HYCC2: variants seen among roughly 807,000 people sequenced by gnomAD.
HYCC2 encodes hyccin PI4KA lipid kinase complex subunit 2.
At chr2:201,048,644 A>G in the HYCC2 span, among the ~76,000 whole-genome samples, 2 of 152,142 alleles carry the variant, frequency 1.3e-5, no homozygotes, top group Admixed American at 6.6e-5. Flanking sequence ...AAATTCTTCT[A>G]GTAAAAGACG....
At chr2:201,026,893 C>G in the HYCC2 span, among the ~76,000 whole-genome samples, 2 of 152,088 alleles carry the variant, frequency 1.3e-5, no homozygotes. Flanking sequence ...CCTAACATCA[C>G]AATTAAAAGA....
At chr2:200,981,524 G>A in the HYCC2 span, 19 of 1,614,080 alleles carry the variant, frequency 1.2e-5, no homozygotes, top group African/African-American at 4.0e-5. The surrounding 1 kb of genome is among the most constrained non-coding windows in gnomAD (Gnocchi z 4.5). Context: ...CTGGCTGTCC[G>A]GATTAGACTT....
chr2:201,070,647 C>T, the HYCC2 span, among the ~76,000 whole-genome samples: 1 of 150,952 alleles, frequency 6.6e-6, no homozygotes, highest in African/African-American at 2.4e-5. Context: ...AGCGAAACTC[C>T]GTCTCAAAAA....
chr2:201,033,668 T>C, the HYCC2 span, among the ~76,000 whole-genome samples: 3 of 152,018 alleles, frequency 2.0e-5, no homozygotes, highest in African/African-American at 7.2e-5. Context: ...CCTCCCAAAG[T>C]GCTGGGATTA....
the HYCC2 span, chr2:201,009,202 C>T: frequency 1.8e-6 from 1 of 548,922 alleles, no homozygotes; most frequent in Non-Finnish European, 3.3e-6. Flanking sequence ...ATCATTTATT[C>T]TTCTCATTCT....
At chr2:201,066,309 A>G in the HYCC2 span, among the ~76,000 whole-genome samples, 6 of 152,168 alleles carry the variant, frequency 3.9e-5, no homozygotes, top group Non-Finnish European at 5.9e-5. Flanking sequence ...CCTGACCTCA[A>G]GTGATCTGCT....
the HYCC2 span, among the ~76,000 whole-genome samples, chr2:200,993,662 T>C: frequency 6.6e-6 from 1 of 152,064 alleles, no homozygotes; most frequent in Admixed American, 6.6e-5. Context: ...AGCAGAGACA[T>C]ACAATAAAAG....
At chr2:201,059,995 G>A in the HYCC2 span, among the ~76,000 whole-genome samples, 1 of 137,606 alleles carries the variant, frequency 7.3e-6, no homozygotes, top group Admixed American at 8.0e-5. Context: ...AGTGAGCCGA[G>A]ATTGCGCCAC....
chr2:201,053,350 T>C, the HYCC2 span, among the ~76,000 whole-genome samples: 1 of 152,212 alleles, frequency 6.6e-6, no homozygotes, highest in Non-Finnish European at 1.5e-5. Flanking sequence ...CTCGAACTCC[T>C]GAACTCAGGT....
the HYCC2 span, among the ~76,000 whole-genome samples, chr2:200,995,005 CAA>C: frequency 1.8e-4 from 17 of 92,322 alleles, no homozygotes; most frequent in Admixed American, 5.8e-4. Flanking sequence ...AAGACTCTCT[CAA>C]AAAAAAAAAA....
chr2:200,985,384 G>A, the HYCC2 span, among the ~76,000 whole-genome samples: 1,722 of 152,212 alleles, frequency 0.011, 17 homozygotes, highest in Non-Finnish European at 0.017. Context: ...AAATAGGCCA[G>A]GGGCGGTGGC....
At chr2:201,021,847 C>T in the HYCC2 span, 1 of 358,140 alleles carries the variant, frequency 2.8e-6, no homozygotes, top group Non-Finnish European at 5.5e-6. Flanking sequence ...ATTATGCATA[C>T]CCAGAGTTAT....
At chr2:201,028,660 C>T in the HYCC2 span, among the ~76,000 whole-genome samples, 1 of 152,282 alleles carries the variant, frequency 6.6e-6, no homozygotes, top group Non-Finnish European at 1.5e-5. Context: ...AATAACACCA[C>T]ACATCTACAA....
At chr2:201,061,038 T>A in the HYCC2 span, among the ~76,000 whole-genome samples, 1 of 149,332 alleles carries the variant, frequency 6.7e-6, no homozygotes, top group Non-Finnish European at 1.5e-5. Context: ...CCAAATTACA[T>A]GAAAATAATG....
chr2:201,033,178 T>C, the HYCC2 span, among the ~76,000 whole-genome samples: 2 of 145,762 alleles, frequency 1.4e-5, no homozygotes, highest in African/African-American at 2.6e-5. Flanking sequence ...TGTGTGTGTG[T>C]GTGTGTGTGT....
the HYCC2 span, among the ~76,000 whole-genome samples, chr2:201,055,931 G>A: frequency 1.3e-5 from 2 of 152,134 alleles, no homozygotes; most frequent in Non-Finnish European, 1.5e-5. Context: ...GCTCACACCT[G>A]TAATCCCAGC....
chr2:201,022,774 T>G, the HYCC2 span: 1 of 1,049,602 alleles, frequency 9.5e-7, no homozygotes, highest in Non-Finnish European at 1.4e-6. Flanking sequence ...ATTTATGTGT[T>G]TTGGTATACA....
the HYCC2 span, among the ~76,000 whole-genome samples, chr2:201,046,357 G>T: frequency 1.3e-5 from 2 of 152,148 alleles, no homozygotes; most frequent in Admixed American, 1.3e-4. Context: ...CACCACAGCA[G>T]CTGACACTTT....
chr2:201,037,340 C>T, the HYCC2 span, among the ~76,000 whole-genome samples: 1 of 152,166 alleles, frequency 6.6e-6, no homozygotes, highest in Non-Finnish European at 1.5e-5. Context: ...ACATTCATTG[C>T]CATCCCCATC....
Sources: allele counts gnomAD v4.1 joint callset (sites outside exome capture counted in the v4.1 genomes callset), GRCh38; gene constraint gnomAD v4.1.1; non-coding constraint Gnocchi (gnomAD v3.1); transcripts MANE v1.5; gene names NCBI Gene and HGNC (gene_info 2026-07-23, HGNC 2026-07-21).